The following GTF2H3 variants were observed in gnomAD, a reference collection of about 807,000 sequenced individuals.
GTF2H3 encodes the protein TFIIH basal transcription factor complex p34 subunit.
Under a neutral mutation model 51.1 loss-of-function variants are expected in GTF2H3, and 42 were observed. The observed-to-expected ratio is 0.82, with a 90% confidence interval of 0.64 to 1.06. The LOEUF (loss-of-function observed/expected upper bound fraction) is 1.06, where lower values mean the gene tolerates loss of function less well. Ranked by LOEUF, GTF2H3 falls within the 50% of genes least tolerant of loss-of-function variation. The pLI, the probability that GTF2H3 is intolerant of heterozygous loss-of-function variation, is 0.00. For missense variants in GTF2H3, 326 were observed against 366.1 expected, an observed-to-expected ratio of 0.89 and a Z score of 0.89; for synonymous variants, 123 against 123.8, an observed-to-expected ratio of 0.99 and a Z score of 0.04.
At position 123,651,040 on chromosome 12, in the gene GTF2H3, G is replaced by A. The variant is rs776493836; in HGVS notation, c.411G>A (p.Leu137=). 6 of 1,612,294 alleles carry A rather than the reference G, an allele frequency of 3.7e-6. No individual in the cohort carries two copies. Among genetic ancestry groups the A allele is most frequent in the Non-Finnish European group, 5.1e-6 (6 of 1,178,432 alleles). Residue 137 remains leucine, a synonymous_variant, in exon 5 of 13, where the codon CTG becomes CTA. Coordinates refer to ENST00000543341, the MANE Select transcript of GTF2H3 (RefSeq NM_001516.5). ...QHTETLLAGS[L]AKALCYIHRM... ...CAGAAACTTTGCTGGCAGGATCCCT[G>A]GCCAAAGCCCTTTGCTGTATCCTTG...
At chr12:123,641,237 T>C (rs1955367238) in intron 2 of GTF2H3, among the ~76,000 whole-genome samples, 1 of 152,046 alleles carries the variant, frequency 6.6e-6, no homozygotes, top group Non-Finnish European at 1.5e-5. Flanking sequence ...TATTTCTTTT[T>C]TTTTTTTGAA....
chr12:123,638,959 C>T (rs933127168), intron 1 of GTF2H3, among the ~76,000 whole-genome samples: 5 of 151,968 alleles, frequency 3.3e-5, no homozygotes, highest in Non-Finnish European at 7.4e-5. Flanking sequence ...CCACGCCCAT[C>T]TAATTTTTTG....
rs1955640221 is a variant in GTF2H3, at chr12:123,660,183, C to A, written c.875C>A (p.Ser292Tyr). 5 of 1,611,896 alleles carry A rather than the reference C, an allele frequency of 3.1e-6. No homozygotes were observed. The highest frequency in any genetic ancestry group is 4.2e-6 in the Non-Finnish European group (5 of 1,179,294). The change falls in exon 13 of 13, where the codon TCT (serine) becomes TAT (tyrosine). Residue 292 changes from serine (S) to tyrosine (Y), a missense_variant. Coordinates refer to ENST00000543341, the MANE Select transcript of GTF2H3 (RefSeq NM_001516.5). ...AATTTCAGGACAGCCTTTAAAATTTCTCTGCCTCCAGTGCTGAAAGCCAAG... is the reference window on the plus strand; with the variant it reads ...AATTTCAGGACAGCCTTTAAAATTTATCTGCCTCCAGTGCTGAAAGCCAAG... The part of the protein sequence containing the change: ...CTTCETAFKI[S>Y]LPPVLKAKKK...
chr12:123,640,579 C>A (rs543535261), intron 2 of GTF2H3, among the ~76,000 whole-genome samples: 9 of 152,212 alleles, frequency 5.9e-5, no homozygotes, highest in Admixed American at 4.6e-4. Flanking sequence ...CTCAGGTGAT[C>A]TGCCTACCTC....
intron 7 of GTF2H3, among the ~76,000 whole-genome samples, chr12:123,653,072 G>A (rs530331972): frequency 2.0e-5 from 3 of 152,092 alleles, no homozygotes; most frequent in South Asian, 4.2e-4. Context: ...TCTAGCCTGG[G>A]TGACAGAGTG....
At chr12:123,658,300 C>T (rs1046302149) in intron 9 of GTF2H3, among the ~76,000 whole-genome samples, 19 of 152,060 alleles carry the variant, frequency 1.2e-4, no homozygotes, top group Non-Finnish European at 2.8e-4. Context: ...TGCACTGAAA[C>T]CCCAACTCCT....
chr12:123,643,709 G>A (rs528776920), intron 2 of GTF2H3, among the ~76,000 whole-genome samples: 1 of 152,194 alleles, frequency 6.6e-6, no homozygotes, highest in Admixed American at 6.5e-5. Flanking sequence ...TACTTGCCAT[G>A]TGTTGCAACT....
intron 2 of GTF2H3, chr12:123,639,815 C>T (rs955948674): frequency 6.0e-6 from 2 of 332,194 alleles, no homozygotes; most frequent in Admixed American, 3.1e-5. Context: ...AATGATAGTA[C>T]AATTTTGAAA....
chr12:123,656,197 G>C (rs942669894), intron 9 of GTF2H3: 2 of 172,030 alleles, frequency 1.2e-5, no homozygotes, highest in African/African-American at 4.8e-5. Flanking sequence ...CCTGAATTTA[G>C]GTTACTGCTG....
Position 123,656,775 on chromosome 12 carries a change from C to A in GTF2H3, c.615+951C>A, listed in dbSNP as rs539709273. Among the ~76,000 whole-genome samples the A allele has an allele frequency of 8.5e-5, 13 of 152,300 alleles. No homozygotes were observed. In the East Asian group the frequency reaches 2.3e-3, roughly 27 times the overall value. On this transcript the variant is annotated intron_variant, in intron 9 of 12. Coordinates refer to ENST00000543341, the MANE Select transcript of GTF2H3 (RefSeq NM_001516.5). ...CCTCCTTTCATAACCATGAGCAAATCCTGTTGATTCTGCCTTTAAAATATA... is the reference window on the plus strand; with the variant it reads ...CCTCCTTTCATAACCATGAGCAAATACTGTTGATTCTGCCTTTAAAATATA...
At chr12:123,636,661 T>C (rs539234248) in intron 1 of GTF2H3, among the ~76,000 whole-genome samples, 1 of 152,304 alleles carries the variant, frequency 6.6e-6, no homozygotes, top group African/African-American at 2.4e-5. Context: ...CTCATGCCTG[T>C]AATCCCAGCA....
At chr12:123,638,236 G>A (rs2135777946) in intron 1 of GTF2H3, among the ~76,000 whole-genome samples, 1 of 151,874 alleles carries the variant, frequency 6.6e-6, no homozygotes, top group East Asian at 1.9e-4. Flanking sequence ...TTGGCTCACT[G>A]CAGCCTCCGC....
At chr12:123,654,706 T>C (rs752531688) in intron 7 of GTF2H3, among the ~76,000 whole-genome samples, 2 of 152,098 alleles carry the variant, frequency 1.3e-5, no homozygotes, top group Admixed American at 6.6e-5. Context: ...TACCTGCCCA[T>C]GTAGGTGCTC....
intron 7 of GTF2H3, among the ~76,000 whole-genome samples, chr12:123,654,563 A>C (rs1426360800): frequency 6.9e-6 from 1 of 144,354 alleles, no homozygotes; most frequent in Non-Finnish European, 1.5e-5. Context: ...GTGTGTGTGT[A>C]TTTTGGGGGT....
intron 4 of GTF2H3, among the ~76,000 whole-genome samples, 182 bp from the exon 5 acceptor site, chr12:123,650,812 T>C (rs1955510538): frequency 6.6e-6 from 1 of 152,238 alleles, no homozygotes; most frequent in Admixed American, 6.5e-5. Flanking sequence ...AAAAGTTGCT[T>C]AGTTAACCAT....
chr12:123,645,351 T>A (rs1477636279), intron 2 of GTF2H3, 104 bp from the exon 3 acceptor site: 3 of 669,956 alleles, frequency 4.5e-6, no homozygotes, highest in Non-Finnish European at 8.0e-6. Flanking sequence ...ATTACAGGCT[T>A]GAGCCACTGC....
intron 3 of GTF2H3, among the ~76,000 whole-genome samples, chr12:123,647,353 T>C (rs1223759821): frequency 2.0e-5 from 3 of 151,492 alleles, no homozygotes; most frequent in African/African-American, 7.3e-5. Flanking sequence ...ACTCCTGTAA[T>C]TCCAGCTACT....
intron 3 of GTF2H3, 123 bp downstream of exon 3, chr12:123,645,684 G>C: frequency 1.6e-6 from 1 of 612,626 alleles, no homozygotes; most frequent in Admixed American, 2.9e-5. Context: ...CCAGTGAACA[G>C]CCACAGCACC....
chr12:123,641,726 T>G (rs879279766), intron 2 of GTF2H3, among the ~76,000 whole-genome samples: 2 of 152,172 alleles, frequency 1.3e-5, no homozygotes, highest in East Asian at 3.8e-4. Context: ...GTTTTCTGTA[T>G]GTATCATGAA....
Sources: allele counts gnomAD v4.1 joint callset (sites outside exome capture counted in the v4.1 genomes callset), GRCh38; gene constraint gnomAD v4.1.1; transcripts MANE v1.5; gene names NCBI Gene and HGNC (gene_info 2026-07-23, HGNC 2026-07-21).